DNM2: variants seen among roughly 807,000 people sequenced by gnomAD.
DNM2 encodes the protein dynamin 2.
A neutral mutation model predicts 99.0 loss-of-function variants in DNM2; 15 were observed. That is an observed-to-expected ratio of 0.15 (90% CI 0.10 to 0.23). The LOEUF (loss-of-function observed/expected upper bound fraction) is 0.23. Among genes scored for constraint, DNM2 ranks in the 10% least tolerant of loss-of-function variants. The pLI is 1.00. For synonymous variants in DNM2, 525 were observed against 481.2 expected (o/e 1.09, Z -1.19); for missense variants, 742 against 1,189.4 (o/e 0.62, Z 5.53).
At chr19:10,758,190 T>G (rs191037015) in intron 1 of DNM2, among the ~76,000 whole-genome samples, 1 of 152,218 alleles carries the variant, frequency 6.6e-6, no homozygotes, top group East Asian at 1.9e-4. Flanking sequence ...CTCTATCTTC[T>G]GGGGTGGTTG....
intron 13 of DNM2, 125 bp downstream of exon 13, chr19:10,806,092 A>G: frequency 8.3e-7 from 1 of 1,207,050 alleles, no homozygotes; most frequent in Non-Finnish European, 1.2e-6. Context: ...GTACCAGGCC[A>G]TCTGCTCTCT....
In DNM2 at chr19:10,811,878, C is replaced by G. The variant is rs1232136885; in HGVS notation, c.1558-386C>G. 1 of 491,110 alleles carries G rather than the reference C, an allele frequency of 2.0e-6. No individual in the cohort carries two copies. The highest frequency in any genetic ancestry group is 2.2e-5 in the Admixed American group (1 of 46,506). 30.4% of individuals were successfully genotyped at this position (491,110 alleles called of 1,614,324 possible). On this transcript the variant is annotated intron_variant, in intron 14 of 20. Coordinates refer to ENST00000389253, the MANE Select transcript of DNM2 (RefSeq NM_001005361.3). The surrounding 1 kb of genome is among the most constrained non-coding windows in gnomAD (Gnocchi z 5.4). ...GGCTCACACCTTTGACCCTAGCCCTCTGTGTGGATGCTACCCTTGGAACCT... is the reference window on the plus strand; with the variant it reads ...GGCTCACACCTTTGACCCTAGCCCTGTGTGTGGATGCTACCCTTGGAACCT...
At chr19:10,748,944 G>T (rs2070095104) in intron 1 of DNM2, among the ~76,000 whole-genome samples, 1 of 152,202 alleles carries the variant, frequency 6.6e-6, no homozygotes, top group African/African-American at 2.4e-5. Context: ...TCCTGCCGAA[G>T]CCTCTTCCTG....
At chr19:10,722,954 T>C (rs909064939) in intron 1 of DNM2, among the ~76,000 whole-genome samples, 3 of 151,428 alleles carry the variant, frequency 2.0e-5, no homozygotes, top group African/African-American at 4.9e-5. Flanking sequence ...CAAGTTATAA[T>C]AGCACTTCTT....
intron 3 of DNM2, among the ~76,000 whole-genome samples, chr19:10,773,701 C>T (rs1369138385): frequency 6.6e-6 from 1 of 151,894 alleles, no homozygotes; most frequent in Non-Finnish European, 1.5e-5. Flanking sequence ...CTCCTGAGCT[C>T]AGGCAATCCA....
chr19:10,783,216 C>T, intron 6 of DNM2, 96 bp downstream of exon 6: 1 of 1,564,326 alleles, frequency 6.4e-7, no homozygotes, highest in Non-Finnish European at 8.7e-7. Flanking sequence ...GCTAGAGCAG[C>T]ACTTGTTTTA....
At chr19:10,738,985 G>A (rs1314159796) in intron 1 of DNM2, among the ~76,000 whole-genome samples, 5 of 151,908 alleles carry the variant, frequency 3.3e-5, no homozygotes, top group African/African-American at 4.8e-5. Context: ...TGGCTAACAC[G>A]GTGAAACCCC....
chr19:10,780,151 G>C (rs2145945368), intron 5 of DNM2: 1 of 152,606 alleles, frequency 6.6e-6, no homozygotes, highest in East Asian at 1.9e-4. Context: ...GCACTGCTGA[G>C]ATATTGAGTG....
intron 1 of DNM2, among the ~76,000 whole-genome samples, chr19:10,736,391 C>T (rs767399910): frequency 6.6e-5 from 10 of 152,124 alleles, no homozygotes; most frequent in Non-Finnish European, 1.3e-4. Context: ...GCATTATGGG[C>T]GTGAGCCACC....
intron 1 of DNM2, among the ~76,000 whole-genome samples, chr19:10,744,650 C>T (rs572680601): frequency 1.2e-4 from 19 of 152,256 alleles, no homozygotes; most frequent in African/African-American, 4.6e-4. Flanking sequence ...TGGCTGACCA[C>T]CCTGTAAGGG....
At chr19:10,783,177 GC>G in intron 6 of DNM2, 57 bp downstream of exon 6, 2 of 1,593,224 alleles carry the variant, frequency 1.3e-6, no homozygotes, top group Non-Finnish European at 1.7e-6. Context: ...CTGCACAACA[GC>G]TGCAATCCTC....
Position 10,831,280 on chromosome 19 carries a change from G to T in DNM2, c.*233G>T. 2 of 1,298,256 alleles carry T rather than the reference G, an allele frequency of 1.5e-6. No individual in the cohort carries two copies. The highest frequency in any genetic ancestry group is 2.0e-6 in the Non-Finnish European group (2 of 1,025,474). The allele number at this position is 1,298,256 out of a possible 1,614,324, so 80.4% of individuals were successfully genotyped here. A position where few individuals can be genotyped will look rare whatever the true frequency, so the allele number is the denominator to read the frequency against. On this transcript the variant is annotated 3_prime_UTR_variant, in exon 21 of 21. Coordinates refer to ENST00000389253, the MANE Select transcript of DNM2 (RefSeq NM_001005361.3). This position sits in a 1 kb window ranked among gnomAD's most constrained non-coding sequence, Gnocchi z 4.3. ...AGGGGGCGCTGGGGTGTTGCACTTT[G>T]GGGGATGGAGTCTCAGGGTGGCAGA... is the stretch of plus-strand genomic sequence containing the variant.
intron 1 of DNM2, among the ~76,000 whole-genome samples, chr19:10,748,979 GC>G (rs1427824500): frequency 1.3e-5 from 2 of 152,216 alleles, no homozygotes; most frequent in Non-Finnish European, 2.9e-5. Flanking sequence ...CTGAAGGCTG[GC>G]TGTGGTGTCA....
chr19:10,761,879 C>T (rs187801256), intron 2 of DNM2, among the ~76,000 whole-genome samples: 1 of 152,298 alleles, frequency 6.6e-6, no homozygotes, highest in African/African-American at 2.4e-5. Flanking sequence ...CTATTTCGTA[C>T]GCCACCGATG....
chr19:10,726,348 G>T (rs76546513), intron 1 of DNM2, among the ~76,000 whole-genome samples: 2 of 151,906 alleles, frequency 1.3e-5, no homozygotes, highest in Non-Finnish European at 2.9e-5. Flanking sequence ...GGTGTGAGCC[G>T]CCGAACCCGG....
intron 1 of DNM2, among the ~76,000 whole-genome samples, chr19:10,727,590 A>AT (rs2069155636): frequency 6.6e-6 from 1 of 151,794 alleles, no homozygotes; most frequent in Non-Finnish European, 1.5e-5. Context: ...GGCTAGTCTC[A>AT]AACCCCTGGG....
chr19:10,741,643 G>A (rs1406926323), intron 1 of DNM2, among the ~76,000 whole-genome samples: 1 of 151,252 alleles, frequency 6.6e-6, no homozygotes, highest in Non-Finnish European at 1.5e-5. Context: ...TCCGCCTCCC[G>A]GGTTCACGCC....
chr19:10,783,742 C>G lies in DNM2; in HGVS notation c.849+622C>G, dbSNP rs552333252. ...TGGAGACACAGTCTCACTCTGTCAC[C>G]TAGGCTAGAGTGCAGTGGCATGATC... On this transcript the variant is annotated intron_variant, in intron 6 of 20. Coordinates refer to ENST00000389253, the MANE Select transcript of DNM2 (RefSeq NM_001005361.3). Among the ~76,000 whole-genome samples the G allele has an allele frequency of 4.0e-5, 6 of 150,530 alleles. No homozygotes were observed. The South Asian group carries it at 6.3e-4, about 16-fold the overall frequency.
chr19:10,796,800 G>A lies in DNM2; in HGVS notation c.1197-580G>A, dbSNP rs1357754595. ...CTCTATGCGCTCTCGACGAGCCACT[G>A]CCTCCACTCAGCAGGACGCGCCGGG... is the stretch of plus-strand genomic sequence containing the variant. On this transcript the variant is annotated intron_variant, in intron 9 of 20. Coordinates refer to ENST00000389253, the MANE Select transcript of DNM2 (RefSeq NM_001005361.3). This position sits in a 1 kb window ranked among gnomAD's most constrained non-coding sequence, Gnocchi z 5.6. 1.3e-5 allele frequency among the ~76,000 whole-genome samples: 2 copies of A among 152,086 alleles called. No homozygotes were observed. The highest frequency in any genetic ancestry group is 1.9e-4 in the East Asian group (1 of 5,146).
Sources: gnomAD v4.1 joint callset for allele counts (sites outside exome capture counted in the v4.1 genomes callset) on GRCh38, gnomAD v4.1.1 for gene constraint, Gnocchi (gnomAD v3.1) non-coding constraint, MANE v1.5 for transcripts, NCBI Gene and HGNC (gene_info 2026-07-23, HGNC 2026-07-21) for gene names.